ATP1A4: variants seen among roughly 807,000 people sequenced by gnomAD.
The protein encoded by ATP1A4 is ATPase Na+/K+ transporting subunit alpha 4.
ATP1A4 carries 90 observed loss-of-function variants against 114.3 expected under a neutral mutation model. The observed-to-expected ratio is 0.79, with a 90% CI of 0.66 to 0.94. The LOEUF is 0.94. Among genes scored for constraint, ATP1A4 ranks in the 40% least tolerant of loss-of-function variants. The pLI, the probability that ATP1A4 is intolerant of heterozygous loss-of-function variation, is 0.00. For synonymous variants in ATP1A4, 511 were observed against 494.1 expected (o/e 1.03, Z -0.45); for missense variants, 1,222 against 1,313.6 (o/e 0.93, Z 1.08).
chr1:160,174,480 C>T, intron 14 of ATP1A4, 99 bp from the exon 15 acceptor site: 1 of 1,517,938 alleles, frequency 6.6e-7, no homozygotes, highest in Non-Finnish European at 8.9e-7. Flanking sequence ...AGCATGATTA[C>T]ATCAGGAAAC....
At chr1:160,185,500 C>T (rs1375483699) in intron 20 of ATP1A4, among the ~76,000 whole-genome samples, 1 of 152,130 alleles carries the variant, frequency 6.6e-6, no homozygotes, top group African/African-American at 2.4e-5. Flanking sequence ...AAAGGTAGGG[C>T]TCAGGCCGGG....
intron 20 of ATP1A4, among the ~76,000 whole-genome samples, chr1:160,185,744 C>T (rs1419165155): frequency 6.6e-6 from 1 of 151,748 alleles, no homozygotes; most frequent in Non-Finnish European, 1.5e-5. Flanking sequence ...CACAGTGAAA[C>T]CCCGCCTCTA....
intron 10 of ATP1A4, among the ~76,000 whole-genome samples, chr1:160,168,437 C>A (rs541174257): frequency 4.6e-5 from 6 of 129,886 alleles, no homozygotes; most frequent in African/African-American, 1.7e-4. Context: ...GGCTGGAGTG[C>A]AATGGCGCAA....
chr1:160,164,663 A>T (rs1011268140), intron 7 of ATP1A4, among the ~76,000 whole-genome samples: 2 of 152,238 alleles, frequency 1.3e-5, no homozygotes, highest in African/African-American at 2.4e-5. Flanking sequence ...GCATTGGATT[A>T]TCAGTCACTG....
At chr1:160,162,552 A>G (rs1652898671) in intron 6 of ATP1A4, among the ~76,000 whole-genome samples, 1 of 152,182 alleles carries the variant, frequency 6.6e-6, no homozygotes, top group Admixed American at 6.6e-5. Flanking sequence ...TTGGGGCTGG[A>G]TAATTCTTTG....
Position 160,186,086 on chromosome 1 carries a change from C to CAAAAAAAAAAAAAAAAAAAAAAAA in ATP1A4, c.2970-168_2970-167insAAAAAAAAAAAAAAAAAAAAAAAA, listed in dbSNP as rs527303426. Among the ~76,000 whole-genome samples the CAAAAAAAAAAAAAAAAAAAAAAAA allele has an allele frequency of 2.4e-4, 8 of 32,790 alleles. 1 individual carries two copies. Among genetic ancestry groups the CAAAAAAAAAAAAAAAAAAAAAAAA allele is most frequent in the Admixed American group, 5.7e-4 (1 of 1,756 alleles). 21.5% of individuals were successfully genotyped at this position (32,790 alleles called of 152,430 possible). Reference sequence around the variant, plus strand: ...TGGGCAACAGAACAAGACTCTGTCGCAAAAAAAAAAAAAAAAAAAAAAGGG... The same window carrying CAAAAAAAAAAAAAAAAAAAAAAAA: ...TGGGCAACAGAACAAGACTCTGTCGCAAAAAAAAAAAAAAAAAAAAAAAAAAAAAAAAAAAAAAAAAAAAAAGGG... On this transcript the variant is annotated intron_variant, in intron 20 of 21. Coordinates refer to ENST00000368081, the MANE Select transcript of ATP1A4 (RefSeq NM_144699.4).
intron 6 of ATP1A4, among the ~76,000 whole-genome samples, chr1:160,160,947 T>A (rs909771951): frequency 1.3e-5 from 2 of 152,026 alleles, no homozygotes; most frequent in Non-Finnish European, 2.9e-5. Context: ...TAGGAAAAAA[T>A]TTGCCCAAAT....
At chr1:160,166,258 G>A (rs1653031265) in intron 7 of ATP1A4, among the ~76,000 whole-genome samples, 1 of 152,172 alleles carries the variant, frequency 6.6e-6, no homozygotes, top group Admixed American at 6.5e-5. Context: ...AACACAGAGT[G>A]AGACTCTGTC....
At position 160,176,345 on chromosome 1, in the gene ATP1A4, A is replaced by C. The variant is rs1477808283; in HGVS notation, c.2466+99A>C. 3 of 1,584,532 alleles carry C rather than the reference A, an allele frequency of 1.9e-6. No individual in the cohort carries two copies. In the African/African-American group the frequency reaches 4.0e-5, roughly 21 times the overall value. ...ATCTTACTAAAACTCATGACAACCC[A>C]CTTATGATCCAGCTCTCGCACCTCC... is the stretch of plus-strand genomic sequence containing the variant. On this transcript the variant is annotated intron_variant, in intron 16 of 21. Coordinates refer to ENST00000368081, the MANE Select transcript of ATP1A4 (RefSeq NM_144699.4).
intron 17 of ATP1A4, 27 bp from the exon 18 acceptor site, chr1:160,177,492 C>A (rs771270809): frequency 9.9e-6 from 16 of 1,612,166 alleles, no homozygotes; most frequent in Non-Finnish European, 1.4e-5. Flanking sequence ...ACCAGGCTCC[C>A]CTGTCCTGCA....
chr1:160,157,806 C>T lies in ATP1A4; in HGVS notation c.526-1196C>T, dbSNP rs548979600. Reference sequence around the variant, plus strand: ...TCTGGATAAAGGTTATATAGGTGTTCTTGGTGCTATTTTTATTCTTGCAAC... The same window carrying T: ...TCTGGATAAAGGTTATATAGGTGTTTTTGGTGCTATTTTTATTCTTGCAAC... On this transcript the variant is annotated intron_variant, in intron 4 of 21. Transcript: ENST00000368081. 2.6e-5 allele frequency among the ~76,000 whole-genome samples: 4 copies of T among 152,198 alleles called. No individual in the cohort carries two copies. In the East Asian group the frequency reaches 7.7e-4, roughly 29 times the overall value.
intron 4 of ATP1A4, among the ~76,000 whole-genome samples, chr1:160,157,677 T>G (rs959845628): frequency 4.6e-5 from 7 of 152,326 alleles, no homozygotes; most frequent in African/African-American, 1.7e-4. Context: ...AAGATCATGA[T>G]GTAGGTAACT....
intron 6 of ATP1A4, among the ~76,000 whole-genome samples, chr1:160,161,758 A>G (rs1652871798): frequency 6.6e-6 from 1 of 152,136 alleles, no homozygotes; most frequent in Admixed American, 6.5e-5. Flanking sequence ...TCGGCCTGGG[A>G]ATCTTTTCAG....
intron 10 of ATP1A4, among the ~76,000 whole-genome samples, chr1:160,168,980 C>T (rs1653142055): frequency 6.6e-6 from 1 of 152,244 alleles, no homozygotes; most frequent in Non-Finnish European, 1.5e-5. Context: ...AAAACATATT[C>T]ACAACATTTG....
chr1:160,186,015 A>G (rs1160591787), intron 20 of ATP1A4, among the ~76,000 whole-genome samples: 1 of 145,602 alleles, frequency 6.9e-6, no homozygotes, highest in African/African-American at 2.5e-5. Flanking sequence ...GAATCGCTTA[A>G]ATCCGGGAGG....
chr1:160,180,061 T>C (rs1240655032), intron 18 of ATP1A4, among the ~76,000 whole-genome samples: 1 of 152,154 alleles, frequency 6.6e-6, no homozygotes, highest in Non-Finnish European at 1.5e-5. Context: ...GACCACGGCA[T>C]TGGAAGGATC....
At chr1:160,174,295 C>A (rs1005692310) in intron 14 of ATP1A4, 34 bp downstream of exon 14, 1 of 1,613,396 alleles carries the variant, frequency 6.2e-7, no homozygotes, top group East Asian at 2.2e-5. Context: ...AGGAAACTGG[C>A]AGAACTCCTG....
chr1:160,177,396 T>G, intron 17 of ATP1A4, 123 bp from the exon 18 acceptor site: 1 of 960,652 alleles, frequency 1.0e-6, no homozygotes, highest in South Asian at 1.7e-5. Flanking sequence ...TCTTCCGCAT[T>G]ACTCTTCAGA....
Position 160,171,405 on chromosome 1 carries a change from A to G in ATP1A4, c.1646A>G (p.Tyr549Cys), listed in dbSNP as rs137950481. The G allele has an allele frequency of 5.2e-5, 84 of 1,614,070 alleles. No individual in the cohort carries two copies. Among genetic ancestry groups the G allele is most frequent in the Non-Finnish European group, 6.7e-5 (79 of 1,180,028 alleles). Residue 549 changes from tyrosine (Y) to cysteine (C), a missense_variant, in exon 11 of 22, where the codon TAC (tyrosine) becomes TGC (cysteine). By Grantham distance (194) the Tyr-to-Cys change is radical. Transcript: ENST00000368081. ...DEMKEAFQNA[Y>C]LELGGLGERV... ...ATGAAGGAAGCCTTCCAAAATGCCTACTTAGAACTGGGAGGTCTGGGGGAA... is the reference window on the plus strand; with the variant it reads ...ATGAAGGAAGCCTTCCAAAATGCCTGCTTAGAACTGGGAGGTCTGGGGGAA...
Sources: allele counts gnomAD v4.1 joint callset (sites outside exome capture counted in the v4.1 genomes callset), GRCh38; gene constraint gnomAD v4.1.1; transcripts MANE v1.5; gene names NCBI Gene and HGNC (gene_info 2026-07-23, HGNC 2026-07-21).